The following ADAMTSL1 variants were observed in gnomAD, a reference collection of about 807,000 sequenced individuals.
ADAMTSL1 encodes the protein ADAMTS-like protein 1.
A neutral mutation model predicts 201.8 loss-of-function variants in ADAMTSL1; 126 were observed. That is an observed-to-expected ratio of 0.62 (90% confidence interval 0.54 to 0.72). The LOEUF (loss-of-function observed/expected upper bound fraction) is 0.72, where lower values mean the gene tolerates loss of function less well. ADAMTSL1 is among the 30% of genes least tolerant of loss of function. The probability of loss-of-function intolerance (pLI) is 0.00; values close to 1 mark genes in which losing one functional copy is unlikely to be tolerated. For missense variants in ADAMTSL1, 2,679 were observed against 2,277.8 expected, an observed-to-expected ratio of 1.18 and a Z score of -3.59; for synonymous variants, 1,121 against 903.4, an observed-to-expected ratio of 1.24 and a Z score of -4.32.
At chr9:18,705,444 T>C (rs1043225263) in intron 13 of ADAMTSL1, among the ~76,000 whole-genome samples, 5 of 152,220 alleles carry the variant, frequency 3.3e-5, no homozygotes, top group African/African-American at 9.6e-5. Context: ...GGTTGATTAA[T>C]GAAGATGGGA....
intron 1 of ADAMTSL1, among the ~76,000 whole-genome samples, chr9:17,994,994 TTA>T (rs1048889612): frequency 2.6e-5 from 4 of 152,274 alleles, no homozygotes; most frequent in Non-Finnish European, 5.9e-5. Flanking sequence ...TGCAATCTGT[TTA>T]TGTTTATTTC....
chr9:18,848,436 C>T (rs1049993063), intron 23 of ADAMTSL1, among the ~76,000 whole-genome samples: 1 of 152,182 alleles, frequency 6.6e-6, no homozygotes, highest in Non-Finnish European at 1.5e-5. Context: ...TCAGACCTAG[C>T]CTTTACATCC....
At chr9:18,704,289 A>G (rs532869176) in intron 13 of ADAMTSL1, among the ~76,000 whole-genome samples, 32 of 152,328 alleles carry the variant, frequency 2.1e-4, no homozygotes, top group African/African-American at 7.7e-4. Context: ...AATATTTTCA[A>G]TCTGTCCCTT....
intron 2 of ADAMTSL1, among the ~76,000 whole-genome samples, chr9:18,339,487 C>T (rs181029816): frequency 2.0e-5 from 3 of 152,164 alleles, no homozygotes; most frequent in African/African-American, 4.8e-5. Flanking sequence ...ACAAAGGGAA[C>T]GCTTATACAT....
At chr9:18,701,479 C>T (rs1229052365) in intron 13 of ADAMTSL1, among the ~76,000 whole-genome samples, 1 of 152,132 alleles carries the variant, frequency 6.6e-6, no homozygotes, top group Non-Finnish European at 1.5e-5. Context: ...CTCAGCCTCC[C>T]AAAGTGCTGA....
At chr9:18,729,007 T>C (rs1234692486) in intron 15 of ADAMTSL1, among the ~76,000 whole-genome samples, 1 of 152,224 alleles carries the variant, frequency 6.6e-6, no homozygotes, top group African/African-American at 2.4e-5. Flanking sequence ...CTTTTTCTCA[T>C]GTAGAGTCAA....
intron 1 of ADAMTSL1, among the ~76,000 whole-genome samples, chr9:18,075,959 A>C (rs1823203825): frequency 6.6e-6 from 1 of 152,254 alleles, no homozygotes; most frequent in Non-Finnish European, 1.5e-5. Context: ...GTGTCAACAC[A>C]AATAAACACT....
At chr9:18,830,893 T>C (rs1824934983) in intron 23 of ADAMTSL1, among the ~76,000 whole-genome samples, 1 of 152,208 alleles carries the variant, frequency 6.6e-6, no homozygotes, top group South Asian at 2.1e-4. Context: ...ACTAAGTCTA[T>C]GTGATCCCAA....
At chr9:18,648,564 C>G (rs1827976888) in intron 7 of ADAMTSL1, among the ~76,000 whole-genome samples, 1 of 151,390 alleles carries the variant, frequency 6.6e-6, no homozygotes, top group Non-Finnish European at 1.5e-5. Flanking sequence ...CCTTCAGGAG[C>G]TCTTTTAGGG....
At chr9:17,943,962 G>T (rs929129436) in intron 1 of ADAMTSL1, among the ~76,000 whole-genome samples, 1 of 151,698 alleles carries the variant, frequency 6.6e-6, no homozygotes, top group African/African-American at 2.4e-5. Flanking sequence ...GGAGAGAGGT[G>T]CCACACACCT....
At position 18,896,682 on chromosome 9, in the gene ADAMTSL1, C is replaced by T. The variant is rs79550377; in HGVS notation, c.4851+4086C>T. The stretch of plus-strand genomic sequence containing the variant: ...GGGAAGTGGTAAGTGATTGCACAAC[C>T]CCACCCAGGAAACCACACTTCTCCT... On this transcript the variant is annotated intron_variant, in intron 26 of 28. Coordinates refer to ENST00000380548, the MANE Select transcript of ADAMTSL1 (RefSeq NM_001040272.6). Among the ~76,000 whole-genome samples, 424 of 152,300 alleles carry T rather than the reference C, an allele frequency of 2.8e-3. 2 individuals carry two copies. The highest frequency in any genetic ancestry group is 9.7e-3 in the African/African-American group (402 of 41,578).
In ADAMTSL1 at chr9:18,832,778, C is replaced by T. The variant is rs368074223; in HGVS notation, c.4249+2801C>T. On this transcript the variant is annotated intron_variant, in intron 23 of 28. Coordinates refer to ENST00000380548, the MANE Select transcript of ADAMTSL1 (RefSeq NM_001040272.6). ...AAGCCATTCACCAGCCTTGTTGTAG[C>T]CAGTGAGTGGTGAGATGCCAGCCAC... 1.5e-3 allele frequency among the ~76,000 whole-genome samples: 229 copies of T among 152,268 alleles called. 5 individuals carry two copies. In the South Asian group the frequency reaches 0.047, roughly 31 times the overall value.
chr9:17,972,632 A>C (rs10963367), intron 1 of ADAMTSL1, among the ~76,000 whole-genome samples: 1 of 151,546 alleles, frequency 6.6e-6, no homozygotes. Context: ...ATACATGTGC[A>C]TGTGTCTTTA....
At chr9:18,082,146 A>G (rs1038539371) in intron 1 of ADAMTSL1, among the ~76,000 whole-genome samples, 2 of 152,156 alleles carry the variant, frequency 1.3e-5, no homozygotes, top group Admixed American at 1.3e-4. Context: ...TTGTATTCAC[A>G]TTTTTTTGGA....
intron 2 of ADAMTSL1, among the ~76,000 whole-genome samples, chr9:18,213,038 C>G (rs148689838): frequency 6.6e-4 from 100 of 152,270 alleles, no homozygotes; most frequent in African/African-American, 2.3e-3. Flanking sequence ...AACATCAACT[C>G]AGCCTGACTT....
intron 2 of ADAMTSL1, among the ~76,000 whole-genome samples, chr9:18,309,784 A>G (rs1317167300): frequency 1.3e-5 from 2 of 152,090 alleles, no homozygotes; most frequent in East Asian, 1.9e-4. Context: ...ATTCAATGCT[A>G]TCCCCATCAA....
At chr9:18,429,469 G>A (rs138274533) in intron 2 of ADAMTSL1, among the ~76,000 whole-genome samples, 2,009 of 152,218 alleles carry the variant, frequency 0.013, 36 homozygotes, top group South Asian at 0.073. Flanking sequence ...GAAAATCTAA[G>A]AGGTTAAATA....
At chr9:18,565,906 A>G (rs1407404747) in intron 3 of ADAMTSL1, among the ~76,000 whole-genome samples, 2 of 152,214 alleles carry the variant, frequency 1.3e-5, no homozygotes, top group Non-Finnish European at 2.9e-5. Flanking sequence ...CTTTAATATG[A>G]GTACTTTATA....
intron 23 of ADAMTSL1, among the ~76,000 whole-genome samples, chr9:18,873,564 C>T (rs1328670165): frequency 6.6e-6 from 1 of 152,074 alleles, no homozygotes; most frequent in Admixed American, 6.6e-5. Flanking sequence ...GTGTCCTTTC[C>T]CCACTTTATG....
Sources: allele counts gnomAD v4.1 joint callset (sites outside exome capture counted in the v4.1 genomes callset), GRCh38; gene constraint gnomAD v4.1.1; transcripts MANE v1.5; gene names NCBI Gene and HGNC (gene_info 2026-07-23, HGNC 2026-07-21).